The following TIAM1 variants were observed in gnomAD, a reference collection of about 807,000 sequenced individuals.
TIAM1 encodes the protein TIAM Rac1 associated GEF 1.
In TIAM1, 65 loss-of-function variants were observed where a neutral mutation model predicts 163.5. The observed-to-expected ratio is 0.40, with a 90% CI of 0.33 to 0.49. TIAM1 has a LOEUF of 0.49. Ranked by LOEUF, TIAM1 falls within the 20% of genes least tolerant of loss-of-function variation. The pLI is 0.77. For missense variants in TIAM1, 1,789 were observed against 2,044.7 expected, an observed-to-expected ratio of 0.87 and a Z score of 2.41; for synonymous variants, 833 against 810.1, an observed-to-expected ratio of 1.03 and a Z score of -0.48.
rs114385940 is a variant in TIAM1 at position 31,397,214 on chromosome 21, G to A, written c.-368-57792C>T. 1.1e-3 allele frequency among the ~76,000 whole-genome samples: 169 copies of A among 152,184 alleles called. 1 individual carries two copies. Among genetic ancestry groups the A allele is most frequent in the African/African-American group, 3.9e-3 (163 of 41,524 alleles). On this transcript the variant is annotated intron_variant, in intron 2 of 28. Coordinates refer to the TIAM1 transcript ENST00000286827. The stretch of plus-strand genomic sequence containing the variant: ...TTTTATATTCTAAGCACTATGTTTG[G>A]CTCTGAAGAGATATGATCTCTTAAC...
At chr21:31,509,856 G>A (rs758215568) in intron 1 of TIAM1, among the ~76,000 whole-genome samples, 52 of 152,144 alleles carry the variant, frequency 3.4e-4, no homozygotes, top group Non-Finnish European at 6.8e-4. Context: ...AGAACTTCAG[G>A]GATGAGTCAG....
upstream of TIAM1, among the ~76,000 whole-genome samples, chr21:31,347,808 A>ACCTTT: frequency 7.1e-6 from 1 of 141,082 alleles, no homozygotes; most frequent in Admixed American, 6.7e-5. Context: ...AAACCCTGAC[A>ACCTTT]ACTTTATGCA....
chr21:31,468,708 G>A (rs536852712), intron 1 of TIAM1, among the ~76,000 whole-genome samples: 22 of 152,100 alleles, frequency 1.4e-4, no homozygotes, highest in Middle Eastern at 3.4e-3. Context: ...CCCGGGAGGC[G>A]GAACTTGCAG....
chr21:31,336,616 C>T (rs1297060634), intron 2 of TIAM1, among the ~76,000 whole-genome samples: 1 of 151,644 alleles, frequency 6.6e-6, no homozygotes, highest in Non-Finnish European at 1.5e-5. Flanking sequence ...AAAAGAATCC[C>T]TTAACACTGT....
intron 1 of TIAM1, among the ~76,000 whole-genome samples, chr21:31,467,706 C>T (rs187975824): frequency 6.6e-6 from 1 of 151,712 alleles, no homozygotes; most frequent in East Asian, 1.9e-4. Context: ...GCCTGTAGTC[C>T]CAGCTACTTG....
chr21:31,142,205 C>T (rs546286130), intron 20 of TIAM1, among the ~76,000 whole-genome samples: 1 of 151,990 alleles, frequency 6.6e-6, no homozygotes, highest in African/African-American at 2.4e-5. Context: ...AATAATCATC[C>T]GTCCCCTGAG....
intron 1 of TIAM1, among the ~76,000 whole-genome samples, chr21:31,506,580 T>A (rs2047036466): frequency 6.6e-6 from 1 of 152,212 alleles, no homozygotes; most frequent in South Asian, 2.1e-4. Context: ...TTACTTAACG[T>A]AATGTCTTCA....
At chr21:31,409,903 G>C (rs902063948) in intron 2 of TIAM1, among the ~76,000 whole-genome samples, 1 of 151,852 alleles carries the variant, frequency 6.6e-6, no homozygotes, top group African/African-American at 2.4e-5. Flanking sequence ...TTATTTGGGG[G>C]CTTGGGGTTT....
intron 15 of TIAM1, among the ~76,000 whole-genome samples, chr21:31,177,956 ATCAAACC>A (rs1467199136): frequency 6.6e-6 from 1 of 152,074 alleles, no homozygotes; most frequent in Non-Finnish European, 1.5e-5. Context: ...ACTTACTCCC[ATCAAACC>A]TCAAACCTGC....
intron 19 of TIAM1, among the ~76,000 whole-genome samples, chr21:31,147,277 C>T (rs765384417): frequency 1.3e-5 from 2 of 152,042 alleles, no homozygotes; most frequent in East Asian, 1.9e-4. Flanking sequence ...CTTTTAATAA[C>T]CTATCCGGGC....
At chr21:31,149,507 T>A (rs2083283855) in intron 19 of TIAM1, among the ~76,000 whole-genome samples, 2 of 152,144 alleles carry the variant, frequency 1.3e-5, no homozygotes, top group Admixed American at 6.5e-5. Context: ...AACACTGCTC[T>A]CAGTACACTC....
At chr21:31,441,041 A>G (rs545565837) in intron 2 of TIAM1, among the ~76,000 whole-genome samples, 2 of 152,220 alleles carry the variant, frequency 1.3e-5, no homozygotes, top group Admixed American at 1.3e-4. Flanking sequence ...CCAGAGCAGA[A>G]GAGTCACAGC....
intron 13 of TIAM1, among the ~76,000 whole-genome samples, chr21:31,190,738 T>A (rs1179482261): frequency 6.6e-6 from 1 of 152,070 alleles, no homozygotes; most frequent in Non-Finnish European, 1.5e-5. Flanking sequence ...AGTGTGGGAG[T>A]GAGCTGAGGG....
chr21:31,473,234 C>A (rs1048305348), intron 1 of TIAM1, among the ~76,000 whole-genome samples: 3 of 152,056 alleles, frequency 2.0e-5, no homozygotes, highest in African/African-American at 7.2e-5. Context: ...TCGAGACCAT[C>A]CTGGCTAACA....
chr21:31,380,368 A>G (rs1018751355), intron 2 of TIAM1, among the ~76,000 whole-genome samples: 9 of 152,048 alleles, frequency 5.9e-5, no homozygotes, highest in African/African-American at 2.2e-4. Flanking sequence ...ACATGGTGAA[A>G]CCCTGTCTCT....
chr21:31,379,895 G>A (rs1284370531), intron 2 of TIAM1, among the ~76,000 whole-genome samples: 47 of 152,244 alleles, frequency 3.1e-4, no homozygotes, highest in Non-Finnish European at 2.9e-5. Context: ...ACGGATGGCT[G>A]GTAATGGGTA....
chr21:31,490,953 C>T (rs940048394), intron 1 of TIAM1, among the ~76,000 whole-genome samples: 6 of 152,204 alleles, frequency 3.9e-5, no homozygotes, highest in Middle Eastern at 6.8e-3. Flanking sequence ...GGTGAAACCC[C>T]GTCTCTACTA....
At chr21:31,208,199 C>G (rs1415839718) in intron 11 of TIAM1, among the ~76,000 whole-genome samples, 3 of 152,178 alleles carry the variant, frequency 2.0e-5, no homozygotes, top group Admixed American at 2.0e-4. Context: ...GCCAATCATT[C>G]ATTGCTTCAC....
chr21:31,132,239 G>A (rs2082438991), intron 23 of TIAM1, among the ~76,000 whole-genome samples: 1 of 152,182 alleles, frequency 6.6e-6, no homozygotes, highest in African/African-American at 2.4e-5. Context: ...GGTCGGTCTT[G>A]TCTCCTCTTT....
Sources: allele counts gnomAD v4.1 joint callset (sites outside exome capture counted in the v4.1 genomes callset), GRCh38; gene constraint gnomAD v4.1.1; transcripts MANE v1.5; gene names NCBI Gene and HGNC (gene_info 2026-07-23, HGNC 2026-07-21).